ZNF516: variants seen among roughly 807,000 people sequenced by gnomAD.
ZNF516 encodes the protein zinc finger protein 516.
Under a neutral mutation model 79.7 loss-of-function variants are expected in ZNF516, and 19 were observed. The ratio of observed to expected loss-of-function variants is 0.24; its 90% confidence interval spans 0.17 to 0.35. ZNF516 has a LOEUF of 0.35. ZNF516 is among the 10% of genes least tolerant of loss of function. The pLI is 1.00. For missense variants in ZNF516, 1,678 were observed against 1,679.5 expected, an observed-to-expected ratio of 1.00 and a Z score of 0.02; for synonymous variants, 877 against 739.5, an observed-to-expected ratio of 1.19 and a Z score of -3.02.
chr18:76,479,681 T>G (rs1229624515), intron 1 of ZNF516, among the ~76,000 whole-genome samples: 1 of 152,224 alleles, frequency 6.6e-6, no homozygotes, highest in Non-Finnish European at 1.5e-5. Context: ...GCTGCACCAG[T>G]GGAGACCTGG....
At chr18:76,457,972 C>T (rs944573179) in intron 2 of ZNF516, among the ~76,000 whole-genome samples, 1 of 152,194 alleles carries the variant, frequency 6.6e-6, no homozygotes, top group Non-Finnish European at 1.5e-5. Context: ...ACCTTCAAGG[C>T]CCAATGTACT....
At chr18:76,421,738 T>C (rs1468332019) in intron 3 of ZNF516, among the ~76,000 whole-genome samples, 1 of 152,246 alleles carries the variant, frequency 6.6e-6, no homozygotes, top group Non-Finnish European at 1.5e-5. Context: ...GTATCACCTA[T>C]GTTTTGCCAA....
chr18:76,382,262 C>CA, intron 3 of ZNF516, among the ~76,000 whole-genome samples: 1 of 152,136 alleles, frequency 6.6e-6, no homozygotes, highest in South Asian at 2.1e-4. Context: ...TAGGATGCAC[C>CA]ACGGATAAAA....
intron 1 of ZNF516, chr18:76,491,099 C>T (rs1025639327): frequency 1.0e-6 from 1 of 984,852 alleles, no homozygotes; most frequent in African/African-American, 1.7e-5. Flanking sequence ...GGGGCCACGC[C>T]TTTCCCACCG....
At chr18:76,363,088 T>C (rs2074562783) in intron 6 of ZNF516, among the ~76,000 whole-genome samples, 1 of 152,006 alleles carries the variant, frequency 6.6e-6, no homozygotes, top group Non-Finnish European at 1.5e-5. Context: ...AATTACCAAG[T>C]TGGAAAAAGG....
At position 76,380,279 on chromosome 18, in the gene ZNF516, A is replaced by G; in HGVS notation, c.1835T>C (p.Phe612Ser). 2 of 1,613,634 alleles carry G rather than the reference A, an allele frequency of 1.2e-6. No homozygotes were observed. The highest frequency in any genetic ancestry group is 8.5e-7 in the Non-Finnish European group (1 of 1,179,704). ...APGGQPRRCC[F>S]SEEVTSTELS... ...CTCGGTCGAAGTCACCTCTTCGGAA[A>G]AGCAGCAGCGGCGCGGCTGTCCCCC... is the stretch of plus-strand genomic sequence containing the variant. Residue 612 changes from phenylalanine to serine, a missense_variant, in exon 4 of 7, where the codon TTT becomes TCT. Physicochemically the swap from Phe to Ser is radical, Grantham distance 155. Coordinates refer to ENST00000443185, the MANE Select transcript of ZNF516 (RefSeq NM_014643.4).
rs150789480 is a variant in ZNF516, at chr18:76,461,187, A to C, written c.-158+1841T>G. Among the ~76,000 whole-genome samples the C allele has an allele frequency of 5.4e-3, 830 of 152,308 alleles. 2 individuals are homozygous for C. Among genetic ancestry groups the C allele is most frequent in the Non-Finnish European group, 8.5e-3 (579 of 68,034 alleles). ...ACAGAGCCTGACTCCATCTCAAAAAATAAATAAATAAATAAAAATAACAAC... is the reference window on the plus strand; with the variant it reads ...ACAGAGCCTGACTCCATCTCAAAAACTAAATAAATAAATAAAAATAACAAC... On this transcript the variant is annotated intron_variant, in intron 2 of 6. Coordinates refer to ENST00000443185, the MANE Select transcript of ZNF516 (RefSeq NM_014643.4).
At chr18:76,483,793 T>C (rs553065561) in intron 1 of ZNF516, among the ~76,000 whole-genome samples, 53 of 152,348 alleles carry the variant, frequency 3.5e-4, no homozygotes, top group African/African-American at 1.3e-3. Context: ...AGAAAACCTG[T>C]ATCCTGGCAC....
At chr18:76,486,571 C>T (rs1206128881) in intron 1 of ZNF516, among the ~76,000 whole-genome samples, 2 of 152,038 alleles carry the variant, frequency 1.3e-5, no homozygotes, top group Non-Finnish European at 2.9e-5. Flanking sequence ...TCTTCCTCTA[C>T]GCACACCATC....
At chr18:76,490,496 C>T (rs185521799) in intron 1 of ZNF516, among the ~76,000 whole-genome samples, 3 of 152,334 alleles carry the variant, frequency 2.0e-5, no homozygotes, top group African/African-American at 7.2e-5. Context: ...GCATGCCTAG[C>T]TCTTTTAAGT....
At chr18:76,494,615 C>T (rs1320335626) in intron 1 of ZNF516, among the ~76,000 whole-genome samples, 3 of 152,154 alleles carry the variant, frequency 2.0e-5, no homozygotes, top group Non-Finnish European at 4.4e-5. Context: ...GGCAGCAGCG[C>T]GCGGTGCCCA....
intron 3 of ZNF516, among the ~76,000 whole-genome samples, chr18:76,415,557 C>T (rs988321036): frequency 7.9e-5 from 12 of 152,178 alleles, no homozygotes; most frequent in African/African-American, 2.4e-4. Flanking sequence ...CCTGCCTCTC[C>T]GTTGGATTCT....
chr18:76,379,448 T>C lies in ZNF516; in HGVS notation c.2666A>G (p.Lys889Arg). The change falls in exon 4 of 7, where the codon AAA (lysine) becomes AGA (arginine). Residue 889 changes from lysine (K) to arginine (R), a missense_variant. Transcript: ENST00000443185. ...ATGTGGCTCCTGGCCGTGACAAGGT[T>C]TGGTCTGTCGATACCCGTCAGGGCC... ...APGPDGYRQT[K>R]PCHGQEPHGA... The C allele has an allele frequency of 6.2e-7, 1 of 1,613,292 alleles. No homozygotes were observed. The highest frequency in any genetic ancestry group is 8.5e-7 in the Non-Finnish European group (1 of 1,179,782).
At chr18:76,436,297 T>C (rs916993673) in intron 3 of ZNF516, among the ~76,000 whole-genome samples, 2 of 152,172 alleles carry the variant, frequency 1.3e-5, no homozygotes, top group African/African-American at 4.8e-5. Flanking sequence ...TTCCCAGCCG[T>C]GTGTGCTTTC....
At chr18:76,373,697 A>T (rs2074743437) in intron 4 of ZNF516, among the ~76,000 whole-genome samples, 1 of 152,216 alleles carries the variant, frequency 6.6e-6, no homozygotes, top group South Asian at 2.1e-4. Context: ...TCCTTGAAGT[A>T]AGGGTGCATG....
intron 3 of ZNF516, among the ~76,000 whole-genome samples, chr18:76,431,455 G>A (rs1449713095): frequency 6.6e-6 from 1 of 152,228 alleles, no homozygotes; most frequent in African/African-American, 2.4e-5. Context: ...CCTGAAAGCA[G>A]CGAGAGAGGG....
In ZNF516 at chr18:76,441,348, G is replaced by A. The variant is rs755170912; in HGVS notation, c.1707C>T (p.Ser569=). The A allele has an allele frequency of 1.9e-6, 3 of 1,611,446 alleles. No homozygotes were observed. Among genetic ancestry groups the A allele is most frequent in the Non-Finnish European group, 2.5e-6 (3 of 1,179,450 alleles). Residue 569 remains serine (S), a synonymous_variant, in exon 3 of 7, where the codon AGC becomes AGT. Transcript: ENST00000443185. ...CAGCGGCACAGGCGGAGCCAGGGCT[G>A]CTGGGCTGGGAGGCCGAGTCACCCT... is the stretch of plus-strand genomic sequence containing the variant. The part of the protein sequence containing the change: ...LSEGDSASQP[S]SPGSACAAAD...
chr18:76,488,063 A>C, intron 1 of ZNF516: 1 of 985,254 alleles, frequency 1.0e-6, no homozygotes, highest in Non-Finnish European at 1.2e-6. Context: ...CCCCACCTCC[A>C]TCTGCCTCCG....
chr18:76,368,860 C>G (rs937576181), intron 6 of ZNF516, among the ~76,000 whole-genome samples: 2 of 152,136 alleles, frequency 1.3e-5, no homozygotes, highest in African/African-American at 2.4e-5. Flanking sequence ...CTATTTCTCC[C>G]TGGGACAAGA....
Sources: allele counts gnomAD v4.1 joint callset (sites outside exome capture counted in the v4.1 genomes callset), GRCh38; gene constraint gnomAD v4.1.1; transcripts MANE v1.5; gene names NCBI Gene and HGNC (gene_info 2026-07-23, HGNC 2026-07-21).